Variants in MLXIP observed in about 807,000 individuals in gnomAD.
The protein encoded by MLXIP is MLX interacting protein, also known as MLX-interacting protein.
A neutral mutation model predicts 87.2 loss-of-function variants in MLXIP; 30 were observed. The observed-to-expected ratio is 0.34, with a 90% CI of 0.26 to 0.47. The LOEUF (loss-of-function observed/expected upper bound fraction) is 0.47, where lower values mean the gene tolerates loss of function less well. Ranked by LOEUF, MLXIP falls within the 20% of genes least tolerant of loss-of-function variation. The probability of loss-of-function intolerance (pLI) is 1.00; values close to 1 mark genes in which losing one functional copy is unlikely to be tolerated. For missense variants in MLXIP, 1,002 were observed against 1,240.1 expected (o/e 0.81, Z 2.88); for synonymous variants, 530 against 514.0 (o/e 1.03, Z -0.42).
chr12:122,099,395 C>T (rs931139683), intron 1 of MLXIP, among the ~76,000 whole-genome samples: 1 of 152,244 alleles, frequency 6.6e-6, no homozygotes, highest in African/African-American at 2.4e-5. Context: ...CTGTTGCAGC[C>T]AGCCTTGCCT....
In MLXIP at chr12:122,146,682, G is replaced by A. The variant is rs972496227; in HGVS notation, c.*4870G>A. The A allele has an allele frequency of 5.3e-5, 8 of 152,162 alleles. No homozygotes were observed. The highest frequency in any genetic ancestry group is 8.8e-5 in the Non-Finnish European group (6 of 68,048). 9.4% of individuals were successfully genotyped at this position (152,162 alleles called of 1,614,324 possible). On this transcript the variant is annotated 3_prime_UTR_variant, in exon 17 of 17. Coordinates refer to ENST00000319080, the MANE Select transcript of MLXIP (RefSeq NM_014938.6). The stretch of plus-strand genomic sequence containing the variant: ...TGTTGACTTCATGGAATTTTGTTTT[G>A]TGAAATTCCCCTCCAATCGTGTCAG...
At chr12:122,088,716 C>T (rs1279003939) in intron 1 of MLXIP, among the ~76,000 whole-genome samples, 1 of 152,100 alleles carries the variant, frequency 6.6e-6, no homozygotes, top group East Asian at 1.9e-4. Flanking sequence ...GGTTACTATT[C>T]CTTCCTTCTA....
chr12:122,111,699 G>GT (rs1431263807), intron 1 of MLXIP, among the ~76,000 whole-genome samples: 1 of 152,110 alleles, frequency 6.6e-6, no homozygotes, highest in East Asian at 1.9e-4. Context: ...TTGTTTTGCT[G>GT]TTTTTTCTTT....
intron 1 of MLXIP, among the ~76,000 whole-genome samples, chr12:122,101,554 ATTTATTTATTTAT>A (rs796636378): frequency 0.011 from 1,478 of 137,162 alleles, 29 homozygotes; most frequent in African/African-American, 0.037. Context: ...TTATTTATTT[ATTTATTTATTTAT>A]TTTTTTCTTT....
intron 1 of MLXIP, among the ~76,000 whole-genome samples, chr12:122,080,690 G>T (rs1286461102): frequency 1.3e-5 from 2 of 152,076 alleles, no homozygotes; most frequent in Non-Finnish European, 2.9e-5. Context: ...GTTTGAGCTG[G>T]CACTGAGCCT....
At chr12:122,083,843 T>TA (rs1952126862) in intron 1 of MLXIP, among the ~76,000 whole-genome samples, 1 of 152,264 alleles carries the variant, frequency 6.6e-6, no homozygotes, top group African/African-American at 2.4e-5. Flanking sequence ...TAAGCACAGT[T>TA]AACCAGTTGT....
At chr12:122,141,242 C>A in intron 16 of MLXIP, 159 bp downstream of exon 16, 1 of 619,132 alleles carries the variant, frequency 1.6e-6, no homozygotes, top group Non-Finnish European at 2.0e-6. Flanking sequence ...CAGGAGCGCC[C>A]AGTGGGGGCA....
intron 1 of MLXIP, among the ~76,000 whole-genome samples, chr12:122,114,705 A>G (rs990664541): frequency 6.6e-6 from 1 of 151,802 alleles, no homozygotes; most frequent in Non-Finnish European, 1.5e-5. Flanking sequence ...AGCCCAGGGC[A>G]AAGGCTTGAC....
intron 1 of MLXIP, 23 bp from the exon 2 acceptor site, chr12:122,127,233 C>T: frequency 5.7e-6 from 9 of 1,581,278 alleles, no homozygotes; most frequent in Non-Finnish European, 6.9e-6. Context: ...CACTGAGTCT[C>T]CCCGCTTTGC....
intron 1 of MLXIP, among the ~76,000 whole-genome samples, chr12:122,088,964 G>A (rs1381427584): frequency 6.9e-6 from 1 of 145,046 alleles, no homozygotes; most frequent in African/African-American, 2.6e-5. Context: ...CTGAGCCCAG[G>A]AGTTTGAGAC....
Position 122,078,925 on chromosome 12 carries a change from C to A in MLXIP, c.72C>A (p.Pro24=), listed in dbSNP as rs1327734565. 1.8e-6 allele frequency: 2 copies of A among 1,133,718 alleles called. No homozygotes were observed. Among genetic ancestry groups the A allele is most frequent in the Non-Finnish European group, 2.2e-6 (2 of 920,482 alleles). The allele number at this position is 1,133,718 out of a possible 1,614,324, so 70.2% of individuals were successfully genotyped here. Residue 24 remains proline (P), a synonymous_variant, in exon 1 of 17, where the codon CCC becomes CCA. Transcript: ENST00000319080. The part of the protein sequence containing the change: ...RSRGRQVLLK[P]QVSEDDDDSD... ...GGGGCCGCCAGGTGCTGCTCAAGCC[C>A]CAGGTGTCCGAGGACGACGACGACT...
intron 1 of MLXIP, among the ~76,000 whole-genome samples, chr12:122,087,273 C>T (rs1333679048): frequency 2.0e-5 from 3 of 152,098 alleles, no homozygotes; most frequent in African/African-American, 2.4e-5. Flanking sequence ...GTAAGCAAGG[C>T]GGGTTAGTCC....
chr12:122,142,143 G>T lies in MLXIP; in HGVS notation c.*331G>T, dbSNP rs571975073. 1 of 701,106 alleles carries T rather than the reference G, an allele frequency of 1.4e-6. No homozygotes were observed. Among genetic ancestry groups the T allele is most frequent in the East Asian group, 2.7e-5 (1 of 37,268 alleles). The allele number at this position is 701,106 out of a possible 1,614,324, so 43.4% of individuals were successfully genotyped here. ...CTGCTGGTGGCCTGCCGGGCCTGGC[G>T]CCGGTGAGCGGAATCGATGGGATGA... On this transcript the variant is annotated 3_prime_UTR_variant, in exon 17 of 17. Transcript: ENST00000319080.
intron 1 of MLXIP, among the ~76,000 whole-genome samples, chr12:122,113,464 C>T (rs561520569): frequency 1.5e-3 from 228 of 151,908 alleles, no homozygotes; most frequent in African/African-American, 5.1e-3. Context: ...GATATGGTTT[C>T]GCCATGCTGT....
chr12:122,090,924 C>T (rs1033300275), intron 1 of MLXIP, among the ~76,000 whole-genome samples: 1 of 151,818 alleles, frequency 6.6e-6, no homozygotes, highest in Non-Finnish European at 1.5e-5. Flanking sequence ...CTCATAGACA[C>T]AGAAAGCAGA....
At chr12:122,094,534 GGT>G (rs1326317264) in intron 1 of MLXIP, among the ~76,000 whole-genome samples, 7 of 135,790 alleles carry the variant, frequency 5.2e-5, no homozygotes, top group African/African-American at 8.2e-5. Flanking sequence ...TGTTGTGTGT[GGT>G]GTGTTGGTGT....
Position 122,140,895 on chromosome 12 carries a change from C to T in MLXIP, c.2509-59C>T, listed in dbSNP as rs573340627. Reference sequence around the variant, plus strand: ...AGGAGTACGCCAGTCCAACCACCTTCGGGTCTGCAGTCCCCAGCCCCTCTC... The same window carrying T: ...AGGAGTACGCCAGTCCAACCACCTTTGGGTCTGCAGTCCCCAGCCCCTCTC... On this transcript the variant is annotated intron_variant, in intron 15 of 16. Transcript: ENST00000319080. The T allele has an allele frequency of 4.5e-5, 73 of 1,613,488 alleles. 1 individual carries two copies. In the South Asian group the frequency reaches 5.4e-4, roughly 12 times the overall value.
chr12:122,136,492 A>G (rs931356318), intron 11 of MLXIP: 5 of 145,940 alleles, frequency 3.4e-5, no homozygotes, highest in African/African-American at 1.0e-4. Flanking sequence ...AGCAGGGCTT[A>G]GTGGCATGCA....
At chr12:122,126,767 T>C (rs1952888242) in intron 1 of MLXIP, among the ~76,000 whole-genome samples, 1 of 152,200 alleles carries the variant, frequency 6.6e-6, no homozygotes, top group South Asian at 2.1e-4. Flanking sequence ...CACACACCAG[T>C]TGCTGTGTGA....
Sources: allele counts gnomAD v4.1 joint callset (sites outside exome capture counted in the v4.1 genomes callset), GRCh38; gene constraint gnomAD v4.1.1; transcripts MANE v1.5; gene names NCBI Gene and HGNC (gene_info 2026-07-23, HGNC 2026-07-21).